Variants in ZAN observed in about 807,000 individuals in gnomAD.
ZAN encodes zonadhesin.
ZAN carries 260 observed loss-of-function variants against 286.2 expected under a neutral mutation model. That is an observed-to-expected ratio of 0.91 (90% CI 0.82 to 1.01). The LOEUF is 1.01. Among genes scored for constraint, ZAN ranks in the 50% least tolerant of loss-of-function variants. The pLI is 0.00. For missense variants in ZAN, 3,410 were observed against 3,639.2 expected (o/e 0.94, Z 1.62); for synonymous variants, 1,368 against 1,417.5 (o/e 0.97, Z 0.79).
intron 44 of ZAN, 127 bp downstream of exon 44, chr7:100,794,385 G>A (rs1812212721): frequency 1.4e-6 from 2 of 1,433,486 alleles, no homozygotes. Context: ...CCCTGCCTTT[G>A]TAGGGAGGGA....
chr7:100,758,435 G>A, intron 16 of ZAN, 92 bp downstream of exon 16: 2 of 1,581,750 alleles, frequency 1.3e-6, no homozygotes, highest in East Asian at 2.3e-5. Flanking sequence ...GCAGAGGATT[G>A]GGGGCCTGCC....
At chr7:100,757,942 C>T (rs1319732703) in intron 15 of ZAN, among the ~76,000 whole-genome samples, 8 of 144,964 alleles carry the variant, frequency 5.5e-5, no homozygotes, top group East Asian at 4.0e-4. Flanking sequence ...AAAAAAAAGT[C>T]GGGCATGGTG....
intron 35 of ZAN, among the ~76,000 whole-genome samples, chr7:100,780,655 T>TATCA (rs200750526): frequency 1.3e-5 from 2 of 148,606 alleles, no homozygotes; most frequent in East Asian, 4.0e-4. Context: ...AGTGAGACTC[T>TATCA]CAGAAAAAAA....
In ZAN at chr7:100,758,285, G is replaced by C. The variant is rs777393102; in HGVS notation, c.3393G>C (p.Gln1131His). 1.2e-6 allele frequency: 2 copies of C among 1,613,376 alleles called. No individual in the cohort carries two copies. The highest frequency in any genetic ancestry group is 2.2e-5 in the South Asian group (2 of 91,090). ...PGSRVECQIS[Q>H]CGTHTVCQLK... ...GTCGGGTCGAGTGCCAGATCTCTCA[G>C]TGTGGGACACACACCGTGTGCCAGC... The change falls in exon 16 of 48, where the codon CAG becomes CAC. Residue 1131 changes from glutamine (Q) to histidine (H), a missense_variant. Physicochemically the swap from Gln to His is conservative, Grantham distance 24. This residue lies in a region of ZAN where 1,042 missense variants were observed against 1,058.0 expected (regional missense o/e 0.98). Transcript: ENST00000613979.
intron 7 of ZAN, among the ~76,000 whole-genome samples, chr7:100,738,873 T>TTCTTCTTCTCCTTCTCCC (rs1562911230): frequency 1.2e-4 from 3 of 24,150 alleles, no homozygotes; most frequent in Non-Finnish European, 2.6e-4. Context: ...CCTCTTCTTC[T>TTCTTCTTCTCCTTCTCCC]TCTCCCTCTC....
At chr7:100,794,501 C>T (rs538754691) in intron 44 of ZAN, among the ~76,000 whole-genome samples, 1 of 152,228 alleles carries the variant, frequency 6.6e-6, no homozygotes, top group South Asian at 2.1e-4. Flanking sequence ...GCACAGCACT[C>T]CTAATTTATA....
chr7:100,778,182 CTGT>C (rs1003609816), intron 34 of ZAN, among the ~76,000 whole-genome samples: 3 of 151,880 alleles, frequency 2.0e-5, no homozygotes, highest in African/African-American at 7.3e-5. Context: ...TGGCACATGC[CTGT>C]AGTCCCAGCT....
chr7:100,745,760 G>C (rs866544960), intron 7 of ZAN, among the ~76,000 whole-genome samples: 1 of 151,136 alleles, frequency 6.6e-6, no homozygotes, highest in Admixed American at 6.6e-5. Flanking sequence ...CTCCAGGTCC[G>C]CACCTGGAGT....
chr7:100,792,046 A>C lies in ZAN; in HGVS notation c.7610A>C (p.Glu2537Ala), dbSNP rs1198277230. The C allele has an allele frequency of 6.2e-7, 1 of 1,613,178 alleles. No homozygotes were observed. Among genetic ancestry groups the C allele is most frequent in the African/African-American group, 1.3e-5 (1 of 75,032 alleles). ...TGLQVSECSP[E>A]QLASNSTQAC... ...CTCCAAGTGTCCGAATGTAGCCCGG[A>C]GCAGCTGGCGAGCAACAGCACCCAG... is the stretch of plus-strand genomic sequence containing the variant. The change falls in exon 41 of 48, where the codon GAG (glutamate) becomes GCG (alanine). Residue 2537 changes from glutamate (E) to alanine (A), a missense_variant. Glu to Ala is a moderately radical substitution (Grantham distance 107, BLOSUM62 -1). Transcript: ENST00000613979.
At position 100,792,104 on chromosome 7, in the gene ZAN, CT is replaced by C; in HGVS notation, c.7671del (p.Phe2557LeufsTer112). 1 of 1,612,602 alleles carries C rather than the reference CT, an allele frequency of 6.2e-7. No homozygotes were observed. Among genetic ancestry groups the C allele is most frequent in the Non-Finnish European group, 8.5e-7 (1 of 1,179,632 alleles). On this transcript the variant is annotated frameshift_variant, in exon 41 of 48. Transcript: ENST00000613979. LOFTEE classifies it high-confidence loss of function. ...CRVLADPQGPFAACHQTVAPE... is the reference protein window; with the variant it reads ...CRVLADPQGPXAACHQTVAPE... ...GGGTGCTGGCAGACCCCCAGGGCCC[CT>C]TTGCTGCCTGTCACCAGACGGTGGC...
intron 29 of ZAN, among the ~76,000 whole-genome samples, chr7:100,772,877 T>TG (rs1328089507): frequency 5.4e-5 from 8 of 148,256 alleles, no homozygotes; most frequent in African/African-American, 1.2e-4. Context: ...TTTGTTTGTT[T>TG]TTTTTTTTTT....
rs1447273063 is a variant in ZAN at position 100,734,729 on chromosome 7, C to T, written c.53+508C>T. ...GGAATTAAGGGGCGGGTTCTGGGAGCGGGACAGGGCTACAATGTGAGAAGG... is the reference window on the plus strand; with the variant it reads ...GGAATTAAGGGGCGGGTTCTGGGAGTGGGACAGGGCTACAATGTGAGAAGG... On this transcript the variant is annotated intron_variant, in intron 2 of 47. Transcript: ENST00000613979. Among the ~76,000 whole-genome samples the T allele has an allele frequency of 2.9e-5, 4 of 139,944 alleles. 1 individual carries two copies. Among genetic ancestry groups the T allele is most frequent in the Non-Finnish European group, 6.4e-5 (4 of 62,736 alleles). 91.8% of individuals were successfully genotyped at this position (139,944 alleles called of 152,430 possible). A position where few individuals can be genotyped will look rare whatever the true frequency, so the allele number is the denominator to read the frequency against.
chr7:100,766,672 C>A lies in ZAN; in HGVS notation c.4612+6C>A, dbSNP rs1281083913. On this transcript the variant is annotated splice_donor_region_variant and intron_variant, in intron 24 of 47. Transcript: ENST00000613979. The stretch of plus-strand genomic sequence containing the variant: ...CTATGGCTGCCATGCCCAAGGTGAG[C>A]CATCAGGGTGGAAGGTGAGCTGGGG... 2 of 1,564,954 alleles carry A rather than the reference C, an allele frequency of 1.3e-6. No individual in the cohort carries two copies. The highest frequency in any genetic ancestry group is 1.7e-6 in the Non-Finnish European group (2 of 1,154,730).
rs1340183594 is a variant in ZAN at position 100,759,840 on chromosome 7, A to G, written c.3691A>G (p.Thr1231Ala). 4 of 1,611,730 alleles carry G rather than the reference A, an allele frequency of 2.5e-6. No homozygotes were observed. The highest frequency in any genetic ancestry group is 3.3e-4 in the Middle Eastern group (2 of 6,018). The change falls in exon 18 of 48, where the codon ACT becomes GCT. Residue 1231 changes from threonine (T) to alanine (A), a missense_variant. Around this residue, in one of 7 missense-constraint regions of ZAN, gnomAD observed 1,042 missense variants for 1,058.0 expected, o/e 0.98. Coordinates refer to ENST00000613979, the MANE Select transcript of ZAN (RefSeq NM_003386.3). Reference protein sequence around the residue: ...STVTLLKGRRTLVGGQQVTLP... With the variant: ...STVTLLKGRRALVGGQQVTLP... ...CGTCACCCTGCTTAAGGGCAGACGC[A>G]CTCTGGTGAGCCCCATTCCACCCCC...
Position 100,789,953 on chromosome 7 carries a change from A to T in ZAN, c.7357+606A>T, listed in dbSNP as rs528280721. Among the ~76,000 whole-genome samples, 514 of 147,854 alleles carry T rather than the reference A, an allele frequency of 3.5e-3. 1 individual carries two copies. The highest frequency in any genetic ancestry group is 0.019 in the South Asian group (86 of 4,642). Reference sequence around the variant, plus strand: ...AGAGCAAAACTCCATCTCAAAAAAAATTTTTTTTTTTTAAATGAGACAGGT... The same window carrying T: ...AGAGCAAAACTCCATCTCAAAAAAATTTTTTTTTTTTTAAATGAGACAGGT... On this transcript the variant is annotated intron_variant, in intron 39 of 47. Coordinates refer to ENST00000613979, the MANE Select transcript of ZAN (RefSeq NM_003386.3).
At chr7:100,742,900 AC>A (rs1807912424) in intron 7 of ZAN, among the ~76,000 whole-genome samples, 4 of 67,508 alleles carry the variant, frequency 5.9e-5, no homozygotes, top group Non-Finnish European at 1.3e-4. Flanking sequence ...GGGGACGGGG[AC>A]GATCTGACTT....
Position 100,787,779 on chromosome 7 carries a change from CT to C in ZAN, c.6980-109del, listed in dbSNP as rs373611606. 59 of 1,230,732 alleles carry C rather than the reference CT, an allele frequency of 4.8e-5. No individual in the cohort carries two copies. In the African/African-American group the frequency reaches 8.3e-4, roughly 17 times the overall value. The allele number at this position is 1,230,732 out of a possible 1,614,324, so 76.2% of individuals were successfully genotyped here. Reference sequence around the variant, plus strand: ...GTTTCACCATGTTGGCCAGGCTGGTCTCAAACTCCTGACCTCAGGTCATCCA... The same window carrying C: ...GTTTCACCATGTTGGCCAGGCTGGTCCAAACTCCTGACCTCAGGTCATCCA... On this transcript the variant is annotated intron_variant, in intron 37 of 47. Coordinates refer to ENST00000613979, the MANE Select transcript of ZAN (RefSeq NM_003386.3).
At chr7:100,776,638 T>A (rs949554590) in intron 34 of ZAN, 74 bp downstream of exon 34, 1 of 1,199,922 alleles carries the variant, frequency 8.3e-7, no homozygotes, top group African/African-American at 1.7e-5. Flanking sequence ...TGCCTTCCCT[T>A]CCCTTCCCTC....
intron 14 of ZAN, among the ~76,000 whole-genome samples, chr7:100,753,832 T>C (rs1449237793): frequency 1.4e-5 from 1 of 73,172 alleles, no homozygotes; most frequent in Non-Finnish European, 2.5e-5. Context: ...GACATCGTCC[T>C]AAAAAAAAAA....
Sources: gnomAD v4.1 joint callset for allele counts (sites outside exome capture counted in the v4.1 genomes callset) on GRCh38, gnomAD v4.1.1 for gene constraint, gnomAD v4.1.1 regional missense constraint, MANE v1.5 for transcripts, NCBI Gene and HGNC (gene_info 2026-07-23, HGNC 2026-07-21) for gene names.